Variants in SPAG17 observed in about 807,000 individuals in gnomAD.
The protein encoded by SPAG17 is sperm-associated antigen 17.
A neutral mutation model predicts 273.6 loss-of-function variants in SPAG17; 169 were observed. The observed-to-expected ratio is 0.62, with a 90% CI of 0.55 to 0.70. The LOEUF is 0.70. Among genes scored for constraint, SPAG17 ranks in the 30% least tolerant of loss-of-function variants. The pLI is 0.00. For missense variants in SPAG17, 2,557 were observed against 2,627.8 expected (o/e 0.97, Z 0.59); for synonymous variants, 825 against 873.2 (o/e 0.94, Z 0.97).
chr1:118,147,532 A>G (rs1428718892), intron 3 of SPAG17, among the ~76,000 whole-genome samples: 1 of 152,220 alleles, frequency 6.6e-6, no homozygotes, highest in East Asian at 1.9e-4. Context: ...AGAGCAAAAC[A>G]TGCTTTCCAA....
intron 34 of SPAG17, among the ~76,000 whole-genome samples, chr1:117,995,383 C>A (rs1205898067): frequency 1.3e-5 from 2 of 152,000 alleles, no homozygotes; most frequent in South Asian, 2.1e-4. Flanking sequence ...AGGGTCCATG[C>A]CTGTTTTAGT....
intron 28 of SPAG17, among the ~76,000 whole-genome samples, chr1:118,018,295 C>T (rs1189998183): frequency 6.6e-6 from 1 of 152,024 alleles, no homozygotes; most frequent in African/African-American, 2.4e-5. Flanking sequence ...CCTTTCCCAC[C>T]CCACTCTAGA....
chr1:118,082,025 A>G (rs1218605821), intron 13 of SPAG17, among the ~76,000 whole-genome samples: 1 of 152,138 alleles, frequency 6.6e-6, no homozygotes, highest in East Asian at 1.9e-4. Flanking sequence ...CAGAGAAATT[A>G]TTTACTTATG....
At chr1:118,119,174 T>C (rs1236233632) in intron 3 of SPAG17, among the ~76,000 whole-genome samples, 2 of 152,198 alleles carry the variant, frequency 1.3e-5, no homozygotes, top group African/African-American at 4.8e-5. Flanking sequence ...TATGTGCATA[T>C]ATAAGATAGA....
intron 20 of SPAG17, among the ~76,000 whole-genome samples, chr1:118,046,774 T>G (rs1267310335): frequency 6.6e-6 from 1 of 152,184 alleles, no homozygotes; most frequent in Non-Finnish European, 1.5e-5. Flanking sequence ...AATTCTTTTT[T>G]TGTGTGTGGG....
chr1:117,997,044 TG>T (rs1262707695), intron 32 of SPAG17, among the ~76,000 whole-genome samples: 2 of 152,020 alleles, frequency 1.3e-5, no homozygotes, highest in Non-Finnish European at 2.9e-5. Flanking sequence ...TTCAAGAAAT[TG>T]GGAATTTAAA....
chr1:118,153,780 C>T (rs1412875103), intron 1 of SPAG17, among the ~76,000 whole-genome samples: 1 of 151,742 alleles, frequency 6.6e-6, no homozygotes, highest in South Asian at 2.1e-4. Context: ...ACCCAGGAGG[C>T]AGTGCAGTGA....
intron 1 of SPAG17, among the ~76,000 whole-genome samples, chr1:118,183,457 T>C (rs1356584634): frequency 6.6e-6 from 1 of 152,134 alleles, no homozygotes. Flanking sequence ...TGGAGGGTAG[T>C]TGTCTTTTTC....
In SPAG17 at chr1:118,151,222, C is replaced by A; in HGVS notation, c.228+7G>T. 1 of 1,555,630 alleles carries A rather than the reference C, an allele frequency of 6.4e-7. No homozygotes were observed. Among genetic ancestry groups the A allele is most frequent in the Non-Finnish European group, 8.7e-7 (1 of 1,146,452 alleles). Reference sequence around the variant, plus strand: ...CAGGTGGCTTTGAGGTAGGAAGGGACAGGTACCTGCTGGAGAATGTCTTGC... The same window carrying A: ...CAGGTGGCTTTGAGGTAGGAAGGGAAAGGTACCTGCTGGAGAATGTCTTGC... On this transcript the variant is annotated splice_region_variant and intron_variant, in intron 2 of 48. Transcript: ENST00000336338.
Position 117,991,532 on chromosome 1 carries a change from A to C in SPAG17, c.5362-4T>G. On this transcript the variant is annotated splice_region_variant and splice_polypyrimidine_tract_variant and intron_variant, in intron 36 of 48. Coordinates refer to ENST00000336338, the MANE Select transcript of SPAG17 (RefSeq NM_206996.4). ...TTAGAATATAGTTTATGTAATCCTAAATCAGCAGAATAAAATACATAGACA... is the reference window on the plus strand; with the variant it reads ...TTAGAATATAGTTTATGTAATCCTACATCAGCAGAATAAAATACATAGACA... 1 of 1,545,372 alleles carries C rather than the reference A, an allele frequency of 6.5e-7. No homozygotes were observed. The highest frequency in any genetic ancestry group is 8.9e-7 in the Non-Finnish European group (1 of 1,122,942).
chr1:118,148,521 A>ATTTTACAGAGTGCTGATTGGCCCAT (rs1659192305), intron 3 of SPAG17, among the ~76,000 whole-genome samples: 1 of 146,390 alleles, frequency 6.8e-6, no homozygotes, highest in Non-Finnish European at 1.5e-5. Flanking sequence ...TGATTGGTCC[A>ATTTTACAGAGTGCTGATTGGCCCAT]TTTTACAGAG....
chr1:118,087,126 AC>A, intron 10 of SPAG17, 118 bp from the exon 11 acceptor site: 1 of 1,104,742 alleles, frequency 9.1e-7, no homozygotes, highest in Non-Finnish European at 1.2e-6. Context: ...GGACCCAAGT[AC>A]CACTGATGAC....
At chr1:117,954,738 T>C (rs1252087878) in intron 48 of SPAG17, 2 of 1,105,662 alleles carry the variant, frequency 1.8e-6, no homozygotes, top group African/African-American at 3.2e-5. Context: ...GAATACTTTG[T>C]CTTCAAAAGT....
chr1:118,145,116 T>G (rs906819325), intron 3 of SPAG17, among the ~76,000 whole-genome samples: 4 of 152,186 alleles, frequency 2.6e-5, no homozygotes, highest in African/African-American at 9.7e-5. Flanking sequence ...GCTCTCTCTG[T>G]TCCCAGTAGA....
chr1:117,962,769 A>G (rs900529696), intron 48 of SPAG17: 1 of 152,276 alleles, frequency 6.6e-6, no homozygotes, highest in African/African-American at 2.4e-5. Flanking sequence ...TCTCCAGCAG[A>G]GATCTAGGAC....
At chr1:117,978,353 A>T (rs1170267971) in intron 43 of SPAG17, among the ~76,000 whole-genome samples, 1 of 152,170 alleles carries the variant, frequency 6.6e-6, no homozygotes, top group Non-Finnish European at 1.5e-5. Flanking sequence ...GGAGAAGGTG[A>T]CCTTATTCAT....
chr1:118,139,032 T>A (rs368440315), intron 3 of SPAG17, among the ~76,000 whole-genome samples: 87 of 152,236 alleles, frequency 5.7e-4, no homozygotes, highest in African/African-American at 2.0e-3. Context: ...AAGCCATATA[T>A]TTGATAGGGG....
intron 16 of SPAG17, 134 bp from the exon 17 acceptor site, chr1:118,074,101 A>AG: frequency 1.6e-6 from 1 of 617,172 alleles, no homozygotes; most frequent in Non-Finnish European, 2.8e-6. Flanking sequence ...TCCATATGGC[A>AG]ACATTTTAGG....
chr1:118,001,588 A>AT (rs1290606392), intron 32 of SPAG17, among the ~76,000 whole-genome samples: 13 of 151,928 alleles, frequency 8.6e-5, no homozygotes. Context: ...TTTCTTCTAG[A>AT]TTTTCTAGTT....
Sources: allele counts gnomAD v4.1 joint callset (sites outside exome capture counted in the v4.1 genomes callset), GRCh38; gene constraint gnomAD v4.1.1; transcripts MANE v1.5; gene names NCBI Gene and HGNC (gene_info 2026-07-23, HGNC 2026-07-21).